Variants in PTPRS observed in about 807,000 individuals in gnomAD.
PTPRS encodes the protein receptor-type tyrosine-protein phosphatase S.
In PTPRS, 63 loss-of-function variants were observed where a neutral mutation model predicts 215.3. The ratio of observed to expected loss-of-function variants is 0.29; its 90% CI spans 0.24 to 0.36. The LOEUF is 0.36. PTPRS is among the 10% of genes least tolerant of loss of function. The probability of loss-of-function intolerance (pLI) is 1.00; values close to 1 mark genes in which losing one functional copy is unlikely to be tolerated. For missense variants in PTPRS, 2,258 were observed against 2,825.8 expected, an observed-to-expected ratio of 0.80 and a Z score of 4.56; for synonymous variants, 1,404 against 1,191.4, an observed-to-expected ratio of 1.18 and a Z score of -3.68.
chr19:5,222,799 T>C lies in PTPRS; in HGVS notation c.2993A>G (p.Gln998Arg), dbSNP rs746300376. The C allele has an allele frequency of 1.1e-5, 17 of 1,598,188 alleles. No homozygotes were observed. The highest frequency in any genetic ancestry group is 3.3e-5 in the Admixed American group (2 of 59,872). Residue 998 changes from glutamine (Q) to arginine (R), a missense_variant, in exon 18 of 38, where the codon CAG becomes CGG. Gln to Arg is a conservative substitution (Grantham distance 43, BLOSUM62 1). Transcript: ENST00000262963. ...ATAGGCCGTGTCGGGCTTCAGGCCC[T>C]GCAGCGTGAGCGCGTTCTCCGCGCC... ...EPGAENALTL[Q>R]GLKPDTAYDL...
At position 5,212,321 on chromosome 19, in the gene PTPRS, A is replaced by G; in HGVS notation, c.4769+16T>C. The stretch of plus-strand genomic sequence containing the variant: ...GACCGGGGGGAAGCGGATGGGGCAG[A>G]GTGGGGTGGACGTACCTGCAGTGAA... On this transcript the variant is annotated intron_variant, in intron 31 of 37. Coordinates refer to ENST00000262963, the MANE Select transcript of PTPRS (RefSeq NM_002850.4). 1 of 1,612,972 alleles carries G rather than the reference A, an allele frequency of 6.2e-7. No individual in the cohort carries two copies. The highest frequency in any genetic ancestry group is 1.1e-5 in the South Asian group (1 of 91,066).
Position 5,214,781 on chromosome 19 carries a change from C to T in PTPRS, c.4319-45G>A, listed in dbSNP as rs374737892. Reference sequence around the variant, plus strand: ...CCAGGGATCTGTGGGGGCTGTCTTGCTAGTTTGGCTCTGTGTGGCCAACCA... The same window carrying T: ...CCAGGGATCTGTGGGGGCTGTCTTGTTAGTTTGGCTCTGTGTGGCCAACCA... On this transcript the variant is annotated intron_variant, in intron 28 of 37. Transcript: ENST00000262963. 5 of 1,556,828 alleles carry T rather than the reference C, an allele frequency of 3.2e-6. No homozygotes were observed. In the African/African-American group the frequency reaches 6.8e-5, roughly 21 times the overall value.
intron 1 of PTPRS, among the ~76,000 whole-genome samples, chr19:5,299,386 G>A (rs995423675): frequency 6.6e-6 from 1 of 152,214 alleles, no homozygotes; most frequent in South Asian, 2.1e-4. Context: ...CCTCTGCCTG[G>A]AACACTGTTC....
intron 2 of PTPRS, among the ~76,000 whole-genome samples, chr19:5,276,309 G>A (rs1005265993): frequency 4.6e-5 from 7 of 151,968 alleles, no homozygotes; most frequent in South Asian, 2.1e-4. Flanking sequence ...TGCAACCTCC[G>A]CCTCCCAGGT....
chr19:5,322,678 G>A (rs1025170703), intron 1 of PTPRS, among the ~76,000 whole-genome samples: 24 of 152,120 alleles, frequency 1.6e-4, no homozygotes, highest in African/African-American at 3.9e-4. Context: ...CAGGGAGTTC[G>A]AGACCAGCCT....
At chr19:5,286,630 C>T (rs1390033439) in intron 1 of PTPRS, among the ~76,000 whole-genome samples, 2 of 152,264 alleles carry the variant, frequency 1.3e-5, no homozygotes, top group East Asian at 3.9e-4. Flanking sequence ...GAAGATAGCC[C>T]TCACCAGACA....
intron 4 of PTPRS, among the ~76,000 whole-genome samples, chr19:5,269,975 C>T (rs1292226384): frequency 1.3e-5 from 2 of 148,274 alleles, no homozygotes; most frequent in African/African-American, 4.9e-5. Flanking sequence ...CATTTTTTTC[C>T]CAGACTCCGG....
At chr19:5,230,396 T>G (rs1393487660) in intron 14 of PTPRS, among the ~76,000 whole-genome samples, 1 of 152,116 alleles carries the variant, frequency 6.6e-6, no homozygotes, top group African/African-American at 2.4e-5. Flanking sequence ...CTCCTGGGCT[T>G]AAGCGATCCT....
At chr19:5,264,907 T>C in intron 5 of PTPRS, 101 bp downstream of exon 5, 1 of 1,360,604 alleles carries the variant, frequency 7.3e-7, no homozygotes, top group Non-Finnish European at 1.0e-6. Context: ...ACACTGTCTC[T>C]GTCTGTCCTC....
intron 37 of PTPRS, 58 bp from the exon 38 acceptor site, chr19:5,206,900 C>T (rs2040409629): frequency 2.0e-6 from 3 of 1,522,632 alleles, no homozygotes; most frequent in African/African-American, 1.4e-5. Context: ...TCCCAGGGCT[C>T]CCTATCGCCC....
At position 5,257,432 on chromosome 19, in the gene PTPRS, G is replaced by A. The variant is rs753048666; in HGVS notation, c.706+585C>T. 5.4e-5 allele frequency: 25 copies of A among 458,720 alleles called. No individual in the cohort carries two copies. Among genetic ancestry groups the A allele is most frequent in the Admixed American group, 1.4e-4 (6 of 42,860 alleles). 28.4% of individuals were successfully genotyped at this position (458,720 alleles called of 1,614,324 possible). A position where few individuals can be genotyped will look rare whatever the true frequency, so the allele number is the denominator to read the frequency against. ...CCCATCGGCCTGGACTGCCCTTCTC[G>A]GAGAGTCATTAGGAAGAGGCAGAAG... is the stretch of plus-strand genomic sequence containing the variant. On this transcript the variant is annotated intron_variant, in intron 8 of 37. Transcript: ENST00000262963. This position sits in a 1 kb window ranked among gnomAD's most constrained non-coding sequence, Gnocchi z 4.4.
chr19:5,278,900 GA>G (rs1251582848), intron 2 of PTPRS, among the ~76,000 whole-genome samples: 1 of 151,764 alleles, frequency 6.6e-6, no homozygotes, highest in African/African-American at 2.4e-5. Flanking sequence ...TTTTTAAAAT[GA>G]AAAAAGGGGT....
chr19:5,314,131 CTG>C (rs1331759400), intron 1 of PTPRS, among the ~76,000 whole-genome samples: 2 of 152,256 alleles, frequency 1.3e-5, no homozygotes, highest in East Asian at 1.9e-4. Context: ...GAGCAAGATC[CTG>C]TCTCTATCAA....
chr19:5,300,627 C>T (rs997735012), intron 1 of PTPRS, among the ~76,000 whole-genome samples: 3 of 151,538 alleles, frequency 2.0e-5, no homozygotes, highest in East Asian at 1.9e-4. Flanking sequence ...CAAAATTAGC[C>T]GGGCATGGTG....
rs2041867588 is a variant in PTPRS at position 5,220,334 on chromosome 19, C to T, written c.3475G>A (p.Val1159Met). Residue 1159 changes from valine (V) to methionine (M), a missense_variant, in exon 21 of 38, where the codon GTG (valine) becomes ATG (methionine). By Grantham distance (21) the Val-to-Met change is conservative. This residue lies in a region of PTPRS where 927 missense variants were observed against 1,125.9 expected (regional missense o/e 0.82). Coordinates refer to ENST00000262963, the MANE Select transcript of PTPRS (RefSeq NM_002850.4). ...VPVQSYFIVMVPLRKSRGGQF... is the reference protein window; with the variant it reads ...VPVQSYFIVMMPLRKSRGGQF... ...CCTCCACGAGACTTGCGCAGTGGCACCATCACAATGAAATAGCTCCTGTAG... is the reference window on the plus strand; with the variant it reads ...CCTCCACGAGACTTGCGCAGTGGCATCATCACAATGAAATAGCTCCTGTAG... 2 of 1,613,702 alleles carry T rather than the reference C, an allele frequency of 1.2e-6. No homozygotes were observed. Among genetic ancestry groups the T allele is most frequent in the Non-Finnish European group, 1.7e-6 (2 of 1,179,898 alleles).
At chr19:5,229,438 G>A (rs2042821025) in intron 15 of PTPRS, 53 bp downstream of exon 15, 2 of 1,369,726 alleles carry the variant, frequency 1.5e-6, no homozygotes, top group Non-Finnish European at 9.4e-7. Flanking sequence ...GGAGCGCAAG[G>A]GCCCGTCCCC....
intron 24 of PTPRS, 60 bp from the exon 25 acceptor site, chr19:5,218,592 C>A: frequency 1.3e-6 from 2 of 1,560,476 alleles, no homozygotes; most frequent in Non-Finnish European, 1.8e-6. Flanking sequence ...TGTGTGAACA[C>A]AATTCAGGCC....
chr19:5,253,077 T>C (rs548682531), intron 9 of PTPRS, among the ~76,000 whole-genome samples: 183 of 152,058 alleles, frequency 1.2e-3, no homozygotes, highest in African/African-American at 4.0e-3. Flanking sequence ...GGCTTAGAGT[T>C]TTAAAGAACC....
At chr19:5,212,619 G>A (rs959738703) in intron 30 of PTPRS, 128 bp from the exon 31 acceptor site, 25 of 1,108,716 alleles carry the variant, frequency 2.3e-5, no homozygotes, top group South Asian at 1.2e-4. Flanking sequence ...CGAGGTGGGC[G>A]GATCACCTGA....
Sources: gnomAD v4.1 joint callset for allele counts (sites outside exome capture counted in the v4.1 genomes callset) on GRCh38, gnomAD v4.1.1 for gene constraint, gnomAD v4.1.1 regional missense constraint, Gnocchi (gnomAD v3.1) non-coding constraint, MANE v1.5 for transcripts, NCBI Gene and HGNC (gene_info 2026-07-23, HGNC 2026-07-21) for gene names.